The following FARS2 variants were observed in gnomAD, a reference collection of about 807,000 sequenced individuals.
FARS2 encodes the protein phenylalanyl-tRNA synthetase 2, mitochondrial, also known as phenylalanine--tRNA ligase, mitochondrial.
FARS2 carries 40 observed loss-of-function variants against 46.4 expected under a neutral mutation model. The observed-to-expected ratio is 0.86, with a 90% confidence interval of 0.67 to 1.12. FARS2 has a LOEUF of 1.12. Among genes scored for constraint, FARS2 ranks in the 50% most tolerant of loss-of-function variants. The probability of loss-of-function intolerance (pLI) is 0.00; values close to 1 mark genes in which losing one functional copy is unlikely to be tolerated. For synonymous variants in FARS2, 234 were observed against 214.9 expected (o/e 1.09, Z -0.78); for missense variants, 513 against 567.9 (o/e 0.90, Z 0.98).
Position 5,431,080 on chromosome 6 carries a change from C to T in FARS2, c.812C>T (p.Thr271Ile). The change falls in exon 4 of 7, where the codon ACA (threonine) becomes ATA (isoleucine). Residue 271 changes from threonine to isoleucine, a missense_variant. Physicochemically the swap from Thr to Ile is moderately conservative, Grantham distance 89 (BLOSUM62 -1). Transcript: ENST00000274680. ...TGGGTAGACTGCTACTTCCCTTTTA[C>T]ACATCCTTCCTTTGAGATGGAGATC... ...IRWVDCYFPF[T>I]HPSFEMEINF... 6.2e-7 allele frequency: 1 copy of T among 1,613,888 alleles called. No homozygotes were observed. Among genetic ancestry groups the T allele is most frequent in the Non-Finnish European group, 8.5e-7 (1 of 1,179,806 alleles).
chr6:5,466,963 T>C lies in FARS2; in HGVS notation c.904+35791T>C, dbSNP rs373450778. ...ACTAGCACAGCCTGTGCAGGAATGA[T>C]AAGAGGCACATATTCTTCAGTTCGT... On this transcript the variant is annotated intron_variant, in intron 4 of 6. Coordinates refer to ENST00000274680, the MANE Select transcript of FARS2 (RefSeq NM_006567.5). 82 of 985,408 alleles carry C rather than the reference T, an allele frequency of 8.3e-5. No individual in the cohort carries two copies. The African/African-American group carries it at 1.3e-3, about 15-fold the overall frequency. 61.0% of individuals were successfully genotyped at this position (985,408 alleles called of 1,614,324 possible). A position where few individuals can be genotyped will look rare whatever the true frequency, so the allele number is the denominator to read the frequency against.
chr6:5,368,513 A>G, intron 1 of FARS2, 37 bp from the exon 2 acceptor site: 1 of 1,537,938 alleles, frequency 6.5e-7, no homozygotes, highest in Non-Finnish European at 8.8e-7. Flanking sequence ...CCACAGAGTG[A>G]CACCTGACTT....
At chr6:5,708,354 C>T (rs1758896284) in intron 6 of FARS2, among the ~76,000 whole-genome samples, 2 of 152,010 alleles carry the variant, frequency 1.3e-5, no homozygotes, top group Admixed American at 1.3e-4. Context: ...ATGTGAGATC[C>T]AAGGGGACCT....
intron 4 of FARS2, among the ~76,000 whole-genome samples, chr6:5,516,263 C>T (rs751410065): frequency 1.5e-4 from 23 of 152,152 alleles, no homozygotes; most frequent in Admixed American, 9.2e-4. Context: ...GAATGAGTCA[C>T]GTAGCCCCAT....
In FARS2 at chr6:5,472,124, G is replaced by A. The variant is rs1188306312; in HGVS notation, c.904+40952G>A. On this transcript the variant is annotated intron_variant, in intron 4 of 6. Transcript: ENST00000274680. ...CCTCATTGCTGCCTGACATATCCCT[G>A]GAATAGATGTATATTAATGACGACG... Among the ~76,000 whole-genome samples the A allele has an allele frequency of 3.3e-5, 5 of 152,124 alleles. No homozygotes were observed. In the East Asian group the frequency reaches 9.6e-4, roughly 29 times the overall value.
chr6:5,368,889 AC>A lies in FARS2; in HGVS notation c.323del (p.Pro108ArgfsTer39). On this transcript the variant is annotated frameshift_variant, in exon 2 of 7. Transcript: ENST00000274680. LOFTEE classifies it high-confidence loss of function. ...FYKQYVGRFG[T>X]PLFSVYDNLS... is the part of the protein sequence containing the mutation. ...CAAGCAGTATGTGGGCCGCTTTGGG[AC>A]CCCGTTGTTCTCGGTCTACGACAAC... is the stretch of plus-strand genomic sequence containing the variant. 6.2e-7 allele frequency: 1 copy of A among 1,613,746 alleles called. No homozygotes were observed. Among genetic ancestry groups the A allele is most frequent in the Non-Finnish European group, 8.5e-7 (1 of 1,179,916 alleles).
At chr6:5,559,289 C>A (rs1771856760) in intron 5 of FARS2, among the ~76,000 whole-genome samples, 1 of 152,006 alleles carries the variant, frequency 6.6e-6, no homozygotes, top group Admixed American at 6.6e-5. Context: ...CCTGTGGTAC[C>A]AGCTGCTTGG....
chr6:5,727,790 T>C lies in FARS2; in HGVS notation c.1218-43501T>C, dbSNP rs1227484249. Among the ~76,000 whole-genome samples, 1 of 152,230 alleles carries C rather than the reference T, an allele frequency of 6.6e-6. No individual in the cohort carries two copies. Among genetic ancestry groups the C allele is most frequent in the African/African-American group, 2.4e-5 (1 of 41,464 alleles). ...CTCAAAACACTTCCTCGAGCTTCTA[T>C]ACATTCTGCTCGTTGCCATGTGTCC... On this transcript the variant is annotated intron_variant, in intron 6 of 6. Coordinates refer to ENST00000274680, the MANE Select transcript of FARS2 (RefSeq NM_006567.5). The surrounding 1 kb of genome is among the most constrained non-coding windows in gnomAD (Gnocchi z 4.1).
At chr6:5,523,592 G>T (rs1769279932) in intron 4 of FARS2, among the ~76,000 whole-genome samples, 2 of 152,140 alleles carry the variant, frequency 1.3e-5, no homozygotes, top group African/African-American at 4.8e-5. Context: ...GCTGCGGTCG[G>T]CTCAGCCGCT....
chr6:5,661,856 A>T (rs917091918), intron 6 of FARS2, among the ~76,000 whole-genome samples: 3 of 146,498 alleles, frequency 2.0e-5, no homozygotes, highest in Admixed American at 2.0e-4. Flanking sequence ...AATAAACTTC[A>T]GAGTGTGTAA....
intron 1 of FARS2, among the ~76,000 whole-genome samples, chr6:5,312,748 GC>G (rs1274658747): frequency 6.6e-6 from 1 of 152,194 alleles, no homozygotes; most frequent in Non-Finnish European, 1.5e-5. Context: ...GAATTTGAGT[GC>G]CCAGTATGTG....
intron 6 of FARS2, among the ~76,000 whole-genome samples, chr6:5,755,245 A>G (rs1021563082): frequency 2.3e-4 from 35 of 152,284 alleles, no homozygotes; most frequent in African/African-American, 7.5e-4. Context: ...ACATGTGCAG[A>G]ACATGCAGTT....
chr6:5,616,888 G>A (rs1299596134), intron 6 of FARS2, among the ~76,000 whole-genome samples: 2 of 151,878 alleles, frequency 1.3e-5, no homozygotes, highest in Non-Finnish European at 2.9e-5. Context: ...GAACCTACTA[G>A]GTTACAGAGA....
At chr6:5,594,736 G>A (rs1361557498) in intron 5 of FARS2, among the ~76,000 whole-genome samples, 1 of 152,168 alleles carries the variant, frequency 6.6e-6, no homozygotes, top group Non-Finnish European at 1.5e-5. Flanking sequence ...GTGTCTCTGA[G>A]CTCAGAGGAG....
At chr6:5,695,607 G>T (rs749392559) in intron 6 of FARS2, among the ~76,000 whole-genome samples, 1 of 152,188 alleles carries the variant, frequency 6.6e-6, no homozygotes, top group African/African-American at 2.4e-5. Context: ...GTTCTGGGAG[G>T]ATGAGTAACT....
chr6:5,352,760 C>A (rs1390680470), intron 1 of FARS2, among the ~76,000 whole-genome samples: 1 of 151,974 alleles, frequency 6.6e-6, no homozygotes, highest in Non-Finnish European at 1.5e-5. Context: ...TTCCTCCCTT[C>A]TTCCTGTATT....
chr6:5,635,967 T>G (rs1222549065), intron 6 of FARS2, among the ~76,000 whole-genome samples: 2 of 152,196 alleles, frequency 1.3e-5, no homozygotes, highest in African/African-American at 4.8e-5. Flanking sequence ...AAAAAAATGT[T>G]ATGGTAAAAA....
chr6:5,255,028 T>C, the FARS2 span, among the ~76,000 whole-genome samples: 1 of 152,068 alleles, frequency 6.6e-6, no homozygotes, highest in Non-Finnish European at 1.5e-5. Context: ...AGGCTCTACA[T>C]TGCCCTCTTT....
chr6:5,277,936 G>A (rs954461485), intron 1 of FARS2, among the ~76,000 whole-genome samples: 2 of 152,174 alleles, frequency 1.3e-5, no homozygotes, highest in Non-Finnish European at 2.9e-5. Context: ...GGAAGTGTTA[G>A]CAGAGTGGAT....
Sources: gnomAD v4.1 joint callset for allele counts (sites outside exome capture counted in the v4.1 genomes callset) on GRCh38, gnomAD v4.1.1 for gene constraint, Gnocchi (gnomAD v3.1) non-coding constraint, MANE v1.5 for transcripts, NCBI Gene and HGNC (gene_info 2026-07-23, HGNC 2026-07-21) for gene names.